Variants in NXPH1 observed in about 807,000 individuals in gnomAD.
NXPH1 encodes neurexophilin-1.
Under a neutral mutation model 23.7 loss-of-function variants are expected in NXPH1, and 5 were observed. The observed-to-expected ratio is 0.21, with a 90% confidence interval of 0.11 to 0.44. The LOEUF (loss-of-function observed/expected upper bound fraction) is 0.44, where lower values mean the gene tolerates loss of function less well. Among genes scored for constraint, NXPH1 ranks in the 20% least tolerant of loss-of-function variants. The pLI is 0.99. For synonymous variants in NXPH1, 144 were observed against 122.2 expected (o/e 1.18, Z -1.18); for missense variants, 324 against 321.6 (o/e 1.01, Z -0.06).
chr7:8,656,272 A>G (rs922286879), intron 2 of NXPH1, among the ~76,000 whole-genome samples: 1 of 152,230 alleles, frequency 6.6e-6, no homozygotes, highest in Non-Finnish European at 1.5e-5. Flanking sequence ...CATCACAAAA[A>G]CACAAGTAGG....
intron 2 of NXPH1, among the ~76,000 whole-genome samples, chr7:8,443,869 G>A (rs76174137): frequency 0.038 from 5,720 of 152,072 alleles, 135 homozygotes; most frequent in Middle Eastern, 0.054. Flanking sequence ...AAACAACGAC[G>A]AACAACCGCC....
At chr7:8,624,867 T>C (rs1264870059) in intron 2 of NXPH1, among the ~76,000 whole-genome samples, 1 of 151,936 alleles carries the variant, frequency 6.6e-6, no homozygotes, top group East Asian at 1.9e-4. Context: ...CTCAGTGCAG[T>C]TTGGGGATAG....
At chr7:8,550,906 T>C (rs1296706177) in intron 2 of NXPH1, among the ~76,000 whole-genome samples, 1 of 151,572 alleles carries the variant, frequency 6.6e-6, no homozygotes, top group Non-Finnish European at 1.5e-5. Context: ...AATTAGATTG[T>C]ATACAGATGT....
At chr7:8,547,644 C>G (rs748749122) in intron 2 of NXPH1, among the ~76,000 whole-genome samples, 3 of 151,326 alleles carry the variant, frequency 2.0e-5, no homozygotes, top group Non-Finnish European at 4.4e-5. Flanking sequence ...ACCCTTTTCC[C>G]CCTGCCCCAC....
At chr7:8,694,879 T>G (rs915710695) in intron 2 of NXPH1, among the ~76,000 whole-genome samples, 3 of 152,252 alleles carry the variant, frequency 2.0e-5, no homozygotes, top group Admixed American at 6.5e-5. Context: ...ACTGTTAAAT[T>G]AAGTTTAAAA....
chr7:8,465,090 A>G (rs1321845826), intron 2 of NXPH1, among the ~76,000 whole-genome samples: 3 of 152,244 alleles, frequency 2.0e-5, no homozygotes, highest in African/African-American at 7.2e-5. Context: ...AATTCTAACT[A>G]GAAACAGTGG....
chr7:8,748,493 C>G (rs2115234275), intron 2 of NXPH1, among the ~76,000 whole-genome samples: 1 of 152,344 alleles, frequency 6.6e-6, no homozygotes, highest in South Asian at 2.1e-4. Context: ...TTTAAAAGGA[C>G]TGACTGCATA....
intron 2 of NXPH1, among the ~76,000 whole-genome samples, chr7:8,541,058 G>A (rs1818108537): frequency 6.6e-6 from 1 of 151,752 alleles, no homozygotes; most frequent in Admixed American, 6.6e-5. Flanking sequence ...GGCATGTAAA[G>A]AAGCAGGAAA....
Position 8,628,202 on chromosome 7 carries a change from A to G in NXPH1, c.55-122806A>G, listed in dbSNP as rs555544643. On this transcript the variant is annotated intron_variant, in intron 2 of 2. Transcript: ENST00000405863. ...TTAGTAACTACATACTATTTCCTCA[A>G]AAGATTTTCACAGTGAAGAGAAATG... Among the ~76,000 whole-genome samples the G allele has an allele frequency of 1.8e-4, 28 of 152,268 alleles. No homozygotes were observed. In the South Asian group the frequency reaches 5.8e-3, roughly 32 times the overall value.
At position 8,752,464 on chromosome 7, in the gene NXPH1, G is replaced by C. The variant is rs1780582100; in HGVS notation, c.*695G>C. 6.6e-6 allele frequency: 1 copy of C among 152,490 alleles called. No homozygotes were observed. Among genetic ancestry groups the C allele is most frequent in the East Asian group, 1.9e-4 (1 of 5,184 alleles). 9.4% of individuals were successfully genotyped at this position (152,490 alleles called of 1,614,324 possible). A position where few individuals can be genotyped will look rare whatever the true frequency, so the allele number is the denominator to read the frequency against. ...GAGCAAACATTTGGAATTTACATGT[G>C]GGCAGACATTGGGATAACAACTTTC... On this transcript the variant is annotated 3_prime_UTR_variant, in exon 3 of 3. Coordinates refer to ENST00000405863, the MANE Select transcript of NXPH1 (RefSeq NM_152745.3).
intron 2 of NXPH1, among the ~76,000 whole-genome samples, chr7:8,454,590 T>C (rs1186993515): frequency 6.6e-6 from 1 of 152,122 alleles, no homozygotes; most frequent in Non-Finnish European, 1.5e-5. Context: ...CATTGGCCAT[T>C]AGCCACTCTT....
intron 2 of NXPH1, among the ~76,000 whole-genome samples, chr7:8,696,082 G>C (rs1779497723): frequency 6.6e-6 from 1 of 152,108 alleles, no homozygotes; most frequent in Non-Finnish European, 1.5e-5. Flanking sequence ...TCTTATCTCT[G>C]ATATAAATAT....
intron 2 of NXPH1, among the ~76,000 whole-genome samples, chr7:8,603,703 C>G (rs968200135): frequency 6.6e-6 from 1 of 152,104 alleles, no homozygotes; most frequent in Non-Finnish European, 1.5e-5. Context: ...AAGGTACACA[C>G]TTTTTATTTT....
chr7:8,568,989 C>A (rs1031158216), intron 2 of NXPH1, among the ~76,000 whole-genome samples: 1 of 151,760 alleles, frequency 6.6e-6, no homozygotes, highest in Non-Finnish European at 1.5e-5. Context: ...ATTTTAAAAG[C>A]CTTTAAAATA....
At chr7:8,628,334 C>T (rs1468928163) in intron 2 of NXPH1, among the ~76,000 whole-genome samples, 2 of 150,230 alleles carry the variant, frequency 1.3e-5, no homozygotes, top group Non-Finnish European at 3.0e-5. Flanking sequence ...TCTGATTCAG[C>T]CAAGTAGGAA....
intron 2 of NXPH1, among the ~76,000 whole-genome samples, chr7:8,457,301 A>G (rs1467127157): frequency 2.0e-5 from 3 of 152,182 alleles, no homozygotes; most frequent in Admixed American, 6.5e-5. Context: ...TGTCTCAGAC[A>G]ATCAGAGAGC....
At chr7:8,658,431 T>G (rs370372153) in intron 2 of NXPH1, among the ~76,000 whole-genome samples, 2 of 152,360 alleles carry the variant, frequency 1.3e-5, no homozygotes, top group South Asian at 2.1e-4. Context: ...ACTTACACAT[T>G]GTAACTACAG....
At chr7:8,730,184 A>G (rs1284715430) in intron 2 of NXPH1, among the ~76,000 whole-genome samples, 2 of 146,752 alleles carry the variant, frequency 1.4e-5, no homozygotes, top group Non-Finnish European at 3.0e-5. Flanking sequence ...TTTGTTTTCC[A>G]TTTGCTTGGT....
chr7:8,723,855 A>G (rs1034046540), intron 2 of NXPH1, among the ~76,000 whole-genome samples: 1 of 152,196 alleles, frequency 6.6e-6, no homozygotes, highest in Non-Finnish European at 1.5e-5. Context: ...AAGTTGGAAT[A>G]AAGAGAGCAC....
Sources: allele counts gnomAD v4.1 joint callset (sites outside exome capture counted in the v4.1 genomes callset), GRCh38; gene constraint gnomAD v4.1.1; transcripts MANE v1.5; gene names NCBI Gene and HGNC (gene_info 2026-07-23, HGNC 2026-07-21).